Variants in RUVBL2 observed in about 807,000 individuals in gnomAD.
RUVBL2 encodes ruvB-like 2.
RUVBL2 carries 9 observed loss-of-function variants against 57.9 expected under a neutral mutation model. The ratio of observed to expected loss-of-function variants is 0.16; its 90% CI spans 0.09 to 0.27. The LOEUF is 0.27. Among genes scored for constraint, RUVBL2 ranks in the 10% least tolerant of loss-of-function variants. The probability of loss-of-function intolerance (pLI) is 1.00; values close to 1 mark genes in which losing one functional copy is unlikely to be tolerated. For synonymous variants in RUVBL2, 278 were observed against 264.6 expected (o/e 1.05, Z -0.49); for missense variants, 456 against 669.6 (o/e 0.68, Z 3.52).
chr19:48,994,046 G>A, intron 1 of RUVBL2, 123 bp downstream of exon 1: 1 of 1,072,896 alleles, frequency 9.3e-7, no homozygotes, highest in South Asian at 1.3e-5. Flanking sequence ...AGACTCCTGG[G>A]TCTGAAAGAG....
At chr19:48,993,450 G>A (rs1480453667), upstream of RUVBL2, 5 of 430,982 alleles carry the variant, frequency 1.2e-5, no homozygotes, top group Non-Finnish European at 2.2e-5. Context: ...GAGTCGCTGT[G>A]TCCCGGCCCC....
intron 4 of RUVBL2, among the ~76,000 whole-genome samples, chr19:49,005,596 G>A (rs887464033): frequency 6.6e-6 from 1 of 151,964 alleles, no homozygotes; most frequent in African/African-American, 2.4e-5. Flanking sequence ...GGCACACACA[G>A]TAACTTCCTT....
chr19:49,015,346 A>T, intron 13 of RUVBL2, 196 bp downstream of exon 13: 1 of 752,028 alleles, frequency 1.3e-6, no homozygotes, highest in Non-Finnish European at 2.2e-6. Flanking sequence ...ACTTAAGTAG[A>T]TGCTGTTAGG....
chr19:49,010,468 C>CCCCA lies in RUVBL2; in HGVS notation c.664-17_664-16insACCC. 1 of 807,072 alleles carries CCCCA rather than the reference C, an allele frequency of 1.2e-6. No individual in the cohort carries two copies. Among genetic ancestry groups the CCCCA allele is most frequent in the Non-Finnish European group, 2.0e-6 (1 of 508,790 alleles). 50.0% of individuals were successfully genotyped at this position (807,072 alleles called of 1,614,324 possible). The stretch of plus-strand genomic sequence containing the variant: ...TCCCTGCCCTGTCTCCGCCGTTCTT[C>CCCCA]CCCCACCCCCGCCCCATAGACCAAG... On this transcript the variant is annotated intron_variant, in intron 8 of 14. Coordinates refer to ENST00000595090, the MANE Select transcript of RUVBL2 (RefSeq NM_006666.3).
upstream of RUVBL2, chr19:48,993,599 G>A (rs576613842): frequency 1.4e-4 from 74 of 528,956 alleles, no homozygotes; most frequent in African/African-American, 1.3e-3. Flanking sequence ...GGAAAGGAGC[G>A]TGGAGGACGT....
chr19:49,002,730 A>G (rs147642374), intron 2 of RUVBL2, among the ~76,000 whole-genome samples: 1,923 of 152,124 alleles, frequency 0.013, 45 homozygotes, highest in African/African-American at 0.044. Flanking sequence ...GATTACAGTC[A>G]TCTGCCACCA....
At chr19:49,015,208 T>A in intron 13 of RUVBL2, 58 bp downstream of exon 13, 1 of 1,579,196 alleles carries the variant, frequency 6.3e-7, no homozygotes, top group Non-Finnish European at 8.6e-7. Flanking sequence ...ACACAGTACT[T>A]CAGGGGCTTC....
chr19:49,014,933 G>A, intron 12 of RUVBL2, 88 bp from the exon 13 acceptor site: 2 of 1,491,534 alleles, frequency 1.3e-6, no homozygotes, highest in South Asian at 1.3e-5. Flanking sequence ...TTCCCAGTGG[G>A]GAAGGGCCAG....
At chr19:49,015,717 C>T (rs2039535283) in intron 14 of RUVBL2, 31 bp downstream of exon 14, 2 of 1,611,324 alleles carry the variant, frequency 1.2e-6, no homozygotes, top group Admixed American at 3.3e-5. Context: ...CCTGCACTGC[C>T]AGAGCCAACC....
chr19:49,013,241 G>T lies in RUVBL2; in HGVS notation c.1002-1243G>T, dbSNP rs111867891. On this transcript the variant is annotated intron_variant, in intron 11 of 14. Transcript: ENST00000595090. ...CCTCCCAAAGTGTTGAGATTACAGG[G>T]GTGAGTCACCGCGTCCGGCCTAATT... 1.4e-3 allele frequency among the ~76,000 whole-genome samples: 208 copies of T among 151,808 alleles called. 2 individuals are homozygous for T. Among genetic ancestry groups the T allele is most frequent in the African/African-American group, 4.8e-3 (200 of 41,400 alleles).
intron 1 of RUVBL2, chr19:48,994,273 G>A (rs987411017): frequency 1.6e-5 from 5 of 321,932 alleles, no homozygotes; most frequent in Non-Finnish European, 3.0e-5. Context: ...TGCGCTTCGA[G>A]CCATTTGGGA....
At position 49,009,841 on chromosome 19, in the gene RUVBL2, C is replaced by T. The variant is rs1015889683; in HGVS notation, c.528C>T (p.Thr176=). 5 of 1,614,080 alleles carry T rather than the reference C, an allele frequency of 3.1e-6. No homozygotes were observed. The Admixed American group carries it at 6.7e-5, about 22-fold the overall frequency. Residue 176 remains threonine, a synonymous_variant, in exon 7 of 15, where the codon ACC becomes ACT. Coordinates refer to ENST00000595090, the MANE Select transcript of RUVBL2 (RefSeq NM_006666.3). ...TGGAGACCATCTACGACCTGGGCAC[C>T]AAGATGATTGAGTCCCTGACCAAGG... The part of the protein sequence containing the change: ...TEMETIYDLG[T]KMIESLTKDK...
rs140524868 is a variant in RUVBL2 at position 49,009,460 on chromosome 19, G to A, written c.463-316G>A. On this transcript the variant is annotated intron_variant, in intron 6 of 14. Transcript: ENST00000595090. ...CGAGATCATGCTACTACACTCCAGC[G>A]TGGGCGACAGAGCAAGACTCCGTCT... 3.4e-3 allele frequency among the ~76,000 whole-genome samples: 510 copies of A among 151,270 alleles called. 2 individuals are homozygous for A. Among genetic ancestry groups the A allele is most frequent in the African/African-American group, 0.011 (474 of 41,226 alleles).
chr19:49,010,404 C>A, intron 8 of RUVBL2, 84 bp from the exon 9 acceptor site: 2 of 1,344,218 alleles, frequency 1.5e-6, no homozygotes, highest in Non-Finnish European at 1.1e-6. Context: ...GCTCCAGTCT[C>A]CCCCAGACAG....
At chr19:48,993,588 A>G (rs993028443), upstream of RUVBL2, 2 of 507,484 alleles carry the variant, frequency 3.9e-6, no homozygotes, top group Non-Finnish European at 7.2e-6. Context: ...TGGGATAAAG[A>G]GGAAAGGAGC....
chr19:49,015,240 G>A lies in RUVBL2; in HGVS notation c.1251+90G>A, dbSNP rs188784633. On this transcript the variant is annotated intron_variant, in intron 13 of 14. Coordinates refer to ENST00000595090, the MANE Select transcript of RUVBL2 (RefSeq NM_006666.3). ...CTTCCAGGGTTCCGATTTCATCCTA[G>A]AATGTACGTTTTCAGACGCAGGGAA... is the stretch of plus-strand genomic sequence containing the variant. 3 of 1,519,498 alleles carry A rather than the reference G, an allele frequency of 2.0e-6. No homozygotes were observed. The East Asian group carries it at 7.4e-5, about 37-fold the overall frequency. The allele number at this position is 1,519,498 out of a possible 1,614,324, so 94.1% of individuals were successfully genotyped here.
At chr19:49,012,968 T>C (rs775479154) in intron 11 of RUVBL2, among the ~76,000 whole-genome samples, 1 of 151,356 alleles carries the variant, frequency 6.6e-6, no homozygotes, top group South Asian at 2.1e-4. Context: ...CCTAGCTAAT[T>C]TCTGTTTTTG....
chr19:49,007,311 G>A lies in RUVBL2; in HGVS notation c.405G>A (p.Thr135=), dbSNP rs762159910. Residue 135 remains threonine (T), a synonymous_variant, in exon 6 of 15, where the codon ACG becomes ACA. Coordinates refer to ENST00000595090, the MANE Select transcript of RUVBL2 (RefSeq NM_006666.3). The part of the protein sequence containing the change: ...RSIGVRIKEE[T]EIIEGEVVEI... ...TCTGCTCTCTGGCTAGGGAGGAGACGGAGATCATCGAAGGGGAGGTGGTGG... is the reference window on the plus strand; with the variant it reads ...TCTGCTCTCTGGCTAGGGAGGAGACAGAGATCATCGAAGGGGAGGTGGTGG... 3.8e-5 allele frequency: 62 copies of A among 1,613,850 alleles called. No homozygotes were observed. In the East Asian group the frequency reaches 5.1e-4, roughly 13 times the overall value.
chr19:48,998,569 T>C (rs1366740148), intron 1 of RUVBL2, among the ~76,000 whole-genome samples: 4 of 150,424 alleles, frequency 2.7e-5, no homozygotes, highest in Non-Finnish European at 4.4e-5. Context: ...ATTAGCCAAG[T>C]GTGGTGGTGT....
Sources: gnomAD v4.1 joint callset for allele counts (sites outside exome capture counted in the v4.1 genomes callset) on GRCh38, gnomAD v4.1.1 for gene constraint, MANE v1.5 for transcripts, NCBI Gene and HGNC (gene_info 2026-07-23, HGNC 2026-07-21) for gene names.